SOX6: variants seen among roughly 807,000 people sequenced by gnomAD.
SOX6 encodes the protein SRY-box transcription factor 6.
SOX6 carries 11 observed loss-of-function variants against 97.8 expected under a neutral mutation model. That is an observed-to-expected ratio of 0.11 (90% CI 0.07 to 0.19). The LOEUF (loss-of-function observed/expected upper bound fraction) is 0.19, where lower values mean the gene tolerates loss of function less well. Ranked by LOEUF, SOX6 falls within the 10% of genes least tolerant of loss-of-function variation. The pLI, the probability that SOX6 is intolerant of heterozygous loss-of-function variation, is 1.00. For synonymous variants in SOX6, 360 were observed against 371.4 expected (o/e 0.97, Z 0.35); for missense variants, 810 against 1,039.5 (o/e 0.78, Z 3.04).
At chr11:15,983,267 T>C (rs1853726441) in intron 15 of SOX6, among the ~76,000 whole-genome samples, 1 of 152,132 alleles carries the variant, frequency 6.6e-6, no homozygotes, top group Non-Finnish European at 1.5e-5. Flanking sequence ...AACATTCTGA[T>C]ACTTACTCTG....
At chr11:15,982,957 C>G (rs1432589438) in intron 15 of SOX6, among the ~76,000 whole-genome samples, 1 of 151,876 alleles carries the variant, frequency 6.6e-6, no homozygotes, top group African/African-American at 2.4e-5. Context: ...TGAATATTCC[C>G]TCTACATTAA....
upstream of SOX6, chr11:16,476,432 T>C (rs1860249944): frequency 6.6e-6 from 1 of 152,202 alleles, no homozygotes; most frequent in African/African-American, 2.4e-5. Flanking sequence ...ATAAGTAAAT[T>C]GCATTTATAT....
At chr11:16,713,521 G>C (rs926143848) in intron 3 of SOX6, among the ~76,000 whole-genome samples, 6 of 152,070 alleles carry the variant, frequency 3.9e-5, no homozygotes. Flanking sequence ...TTAAAAAGGA[G>C]AAATCATACT....
intron 3 of SOX6, among the ~76,000 whole-genome samples, chr11:16,623,007 C>T (rs749856744): frequency 1.3e-5 from 2 of 151,840 alleles, no homozygotes; most frequent in African/African-American, 2.4e-5. Context: ...TTTACATTTC[C>T]CTGGTCATTA....
intron 9 of SOX6, among the ~76,000 whole-genome samples, chr11:16,078,865 A>G (rs758428435): frequency 6.6e-6 from 1 of 152,140 alleles, no homozygotes; most frequent in Non-Finnish European, 1.5e-5. Context: ...TGAAAGTCCT[A>G]TGGCAAGGGT....
At chr11:16,417,336 A>G (rs1177188192) in intron 1 of SOX6, among the ~76,000 whole-genome samples, 4 of 152,202 alleles carry the variant, frequency 2.6e-5, no homozygotes, top group African/African-American at 9.6e-5. Flanking sequence ...ACACAGGGCC[A>G]GAATGCCACT....
At chr11:16,707,564 C>CA (rs1848146689) in intron 3 of SOX6, among the ~76,000 whole-genome samples, 2 of 152,254 alleles carry the variant, frequency 1.3e-5, no homozygotes, top group East Asian at 3.9e-4. Flanking sequence ...TTCAAAGTGT[C>CA]AGGCACAAGC....
chr11:16,620,452 T>A (rs2133988345), intron 3 of SOX6, among the ~76,000 whole-genome samples: 1 of 152,242 alleles, frequency 6.6e-6, no homozygotes, highest in Admixed American at 6.5e-5. Context: ...CACACTATAA[T>A]CATCAGCACT....
chr11:16,279,702 A>G (rs1056186531), intron 3 of SOX6, among the ~76,000 whole-genome samples: 2 of 152,100 alleles, frequency 1.3e-5, no homozygotes, highest in African/African-American at 4.8e-5. Context: ...GTTAGTTACA[A>G]ATTGCACAAT....
chr11:16,366,077 A>G (rs1232386777), intron 1 of SOX6, among the ~76,000 whole-genome samples: 1 of 152,134 alleles, frequency 6.6e-6, no homozygotes, highest in Non-Finnish European at 1.5e-5. Context: ...TTATTAATAA[A>G]GCCAAGCATT....
chr11:16,075,410 T>C (rs1471044808), intron 9 of SOX6, among the ~76,000 whole-genome samples: 1 of 152,056 alleles, frequency 6.6e-6, no homozygotes, highest in Non-Finnish European at 1.5e-5. Flanking sequence ...ACCAACCCAA[T>C]GTCCATCAAT....
chr11:16,381,926 T>C (rs1470959140), intron 1 of SOX6, among the ~76,000 whole-genome samples: 1 of 151,922 alleles, frequency 6.6e-6, no homozygotes, highest in Non-Finnish European at 1.5e-5. Context: ...AAACAATTTG[T>C]TAAGGTAGTG....
At chr11:16,642,113 A>C (rs891538803) in intron 3 of SOX6, among the ~76,000 whole-genome samples, 1 of 151,994 alleles carries the variant, frequency 6.6e-6, no homozygotes, top group Admixed American at 6.6e-5. Flanking sequence ...TGGTGACAAA[A>C]TCTCTCAGCA....
intron 3 of SOX6, among the ~76,000 whole-genome samples, chr11:16,694,532 AT>A (rs1209091184): frequency 6.6e-6 from 1 of 152,248 alleles, no homozygotes; most frequent in Non-Finnish European, 1.5e-5. Context: ...CTATAAAAAA[AT>A]AAATAAATAA....
chr11:16,056,376 G>C (rs1170832011), intron 9 of SOX6, among the ~76,000 whole-genome samples: 1 of 152,102 alleles, frequency 6.6e-6, no homozygotes. Context: ...GCATCTCTGG[G>C]TATTCTGATC....
At chr11:16,321,268 A>G (rs1290335159) in intron 2 of SOX6, among the ~76,000 whole-genome samples, 1 of 152,024 alleles carries the variant, frequency 6.6e-6, no homozygotes, top group Non-Finnish European at 1.5e-5. Flanking sequence ...TGGCCAAAAA[A>G]AAAAAAAAAA....
At chr11:16,581,361 C>T (rs1277900234) in intron 4 of SOX6, among the ~76,000 whole-genome samples, 1 of 152,104 alleles carries the variant, frequency 6.6e-6, no homozygotes, top group African/African-American at 2.4e-5. Context: ...GAAAACCAAA[C>T]ACTACATGTC....
chr11:16,669,863 C>A (rs1847834502), intron 3 of SOX6, among the ~76,000 whole-genome samples: 2 of 152,280 alleles, frequency 1.3e-5, no homozygotes, highest in East Asian at 1.9e-4. Flanking sequence ...CAGAGACAGC[C>A]CAGCACTTCT....
intron 1 of SOX6, among the ~76,000 whole-genome samples, chr11:16,424,085 C>T (rs141482066): frequency 7.9e-4 from 121 of 152,210 alleles, no homozygotes; most frequent in African/African-American, 2.6e-3. Flanking sequence ...GAAGGCAGCA[C>T]ATTCAATACA....
Sources: gnomAD v4.1 joint callset for allele counts (sites outside exome capture counted in the v4.1 genomes callset) on GRCh38, gnomAD v4.1.1 for gene constraint, MANE v1.5 for transcripts, NCBI Gene and HGNC (gene_info 2026-07-23, HGNC 2026-07-21) for gene names.